Variants in ADAMDEC1 observed in about 807,000 individuals in gnomAD.
The protein encoded by ADAMDEC1 is ADAM DEC1.
Under a neutral mutation model 60.4 loss-of-function variants are expected in ADAMDEC1, and 62 were observed. That is an observed-to-expected ratio of 1.03 (90% CI 0.84 to 1.27). The LOEUF is 1.27. ADAMDEC1 is among the 50% of genes most tolerant of loss of function. The pLI, the probability that ADAMDEC1 is intolerant of heterozygous loss-of-function variation, is 0.00. For synonymous variants in ADAMDEC1, 210 were observed against 195.1 expected (o/e 1.08, Z -0.64); for missense variants, 595 against 565.0 (o/e 1.05, Z -0.54).
chr8:24,402,030 A>C lies in ADAMDEC1; in HGVS notation c.1258A>C (p.Thr420Pro). The change falls in exon 12 of 14, where the codon ACA becomes CCA. Residue 420 changes from threonine (T) to proline (P), a missense_variant. Transcript: ENST00000256412. ...QAPIPTNIMT[T>P]PVCGNHLLEV... ...ACCTATTCCTACAAATATAATGACA[A>C]CACCAGTGTGTGGGAACCACCTTCT... 6.2e-7 allele frequency: 1 copy of C among 1,613,258 alleles called. No individual in the cohort carries two copies. Among genetic ancestry groups the C allele is most frequent in the Non-Finnish European group, 8.5e-7 (1 of 1,179,408 alleles).
chr8:24,398,663 A>T (rs773348151), intron 8 of ADAMDEC1, 112 bp downstream of exon 8: 2 of 996,178 alleles, frequency 2.0e-6, no homozygotes. Context: ...TCTTAAGTTA[A>T]ATAGTTCAGG....
Position 24,406,004 on chromosome 8 carries a change from C to A in ADAMDEC1, c.*706C>A, listed in dbSNP as rs1817878176. On this transcript the variant is annotated 3_prime_UTR_variant, in exon 14 of 14. Coordinates refer to ENST00000256412, the MANE Select transcript of ADAMDEC1 (RefSeq NM_014479.3). ...AACCATAATGTCAATAAAAACACAA[C>A]TTTTGAGGCTTTTCTGTGTGGTCAT... The A allele has an allele frequency of 6.6e-6, 1 of 152,098 alleles. No individual in the cohort carries two copies. The highest frequency in any genetic ancestry group is 1.5e-5 in the Non-Finnish European group (1 of 68,014). 9.4% of individuals were successfully genotyped at this position (152,098 alleles called of 1,614,324 possible). A position where few individuals can be genotyped will look rare whatever the true frequency, so the allele number is the denominator to read the frequency against.
At chr8:24,396,083 A>G (rs1817602594) in intron 5 of ADAMDEC1, among the ~76,000 whole-genome samples, 1 of 152,198 alleles carries the variant, frequency 6.6e-6, no homozygotes, top group Non-Finnish European at 1.5e-5. Context: ...TGAAACAGTT[A>G]CTTCCTGTTT....
Position 24,384,369 on chromosome 8 carries a change from T to G in ADAMDEC1, c.-136T>G. 1 of 679,806 alleles carries G rather than the reference T, an allele frequency of 1.5e-6. No individual in the cohort carries two copies. The highest frequency in any genetic ancestry group is 2.4e-6 in the Non-Finnish European group (1 of 416,876). 42.1% of individuals were successfully genotyped at this position (679,806 alleles called of 1,614,324 possible). A position where few individuals can be genotyped will look rare whatever the true frequency, so the allele number is the denominator to read the frequency against. On this transcript the variant is annotated 5_prime_UTR_variant, in exon 1 of 14. Coordinates refer to ENST00000256412, the MANE Select transcript of ADAMDEC1 (RefSeq NM_014479.3). Reference sequence around the variant, plus strand: ...CATTCTCATGATGTTGACACTGCAATTTTTTGACAATTTCCCAACACTCTT... The same window carrying G: ...CATTCTCATGATGTTGACACTGCAAGTTTTTGACAATTTCCCAACACTCTT...
At chr8:24,390,048 A>G (rs1449738928) in intron 1 of ADAMDEC1, 2 of 408,534 alleles carry the variant, frequency 4.9e-6, no homozygotes, top group Non-Finnish European at 9.8e-6. Flanking sequence ...CATACATAAT[A>G]TAATATCATT....
At chr8:24,388,638 T>C (rs1236059584) in intron 1 of ADAMDEC1, among the ~76,000 whole-genome samples, 2 of 152,224 alleles carry the variant, frequency 1.3e-5, no homozygotes, top group African/African-American at 4.8e-5. Context: ...CTCTTTTCTT[T>C]TGTAGCAGCA....
Position 24,397,406 on chromosome 8 carries a change from G to C in ADAMDEC1, c.577G>C (p.Asp193His), listed in dbSNP as rs751428258. ...CCACACATGTGGTGTGAAGAGCACTGACGGGAAACAAGGCCCAATTCGAAT... is the reference window on the plus strand; with the variant it reads ...CCACACATGTGGTGTGAAGAGCACTCACGGGAAACAAGGCCCAATTCGAAT... ...ANHTCGVKST[D>H]GKQGPIRISR... The change falls in exon 6 of 14, where the codon GAC (aspartate) becomes CAC (histidine). Residue 193 changes from aspartate (D) to histidine (H), a missense_variant. Physicochemically the swap from Asp to His is moderately conservative, Grantham distance 81 (BLOSUM62 -1). Transcript: ENST00000256412. 6.2e-7 allele frequency: 1 copy of C among 1,614,032 alleles called. No individual in the cohort carries two copies. The highest frequency in any genetic ancestry group is 1.3e-5 in the African/African-American group (1 of 75,036).
rs775125260 is a variant in ADAMDEC1, at chr8:24,393,269, A to G, written c.215A>G (p.Tyr72Cys). 4 of 1,590,194 alleles carry G rather than the reference A, an allele frequency of 2.5e-6. No homozygotes were observed. Among genetic ancestry groups the G allele is most frequent in the South Asian group, 2.3e-5 (2 of 87,508 alleles). Residue 72 changes from tyrosine to cysteine, a missense_variant, in exon 3 of 14, where the codon TAT becomes TGT. Transcript: ENST00000256412. ...QTEKHGKEER[Y>C]EPEVQYQMIL... ...GTAATTAAATGTTTTCAGGAAAGGT[A>G]TGAACCTGAAGTTCAATATCAGATG...
chr8:24,395,615 T>C, intron 4 of ADAMDEC1, 105 bp from the exon 5 acceptor site: 1 of 750,026 alleles, frequency 1.3e-6, no homozygotes, highest in South Asian at 2.0e-5. Flanking sequence ...GTAGCTTTCC[T>C]CACAACTGTG....
chr8:24,384,605 A>T lies in ADAMDEC1; in HGVS notation c.88+13A>T. On this transcript the variant is annotated intron_variant, in intron 1 of 13. Coordinates refer to ENST00000256412, the MANE Select transcript of ADAMDEC1 (RefSeq NM_014479.3). ...GTTCAAACTCAAGGTACGTACCATC[A>T]CACCAGCATTTTACATAAAAGTCAA... 1.3e-6 allele frequency: 2 copies of T among 1,590,548 alleles called. No homozygotes were observed. The highest frequency in any genetic ancestry group is 1.7e-6 in the Non-Finnish European group (2 of 1,171,314).
chr8:24,399,570 G>T (rs1817709291), intron 10 of ADAMDEC1, 96 bp downstream of exon 10: 9 of 1,005,172 alleles, frequency 9.0e-6, no homozygotes, highest in Non-Finnish European at 1.4e-5. Flanking sequence ...AACATTTGCT[G>T]AATCAATGAA....
chr8:24,396,781 A>G (rs1817624749), intron 5 of ADAMDEC1, among the ~76,000 whole-genome samples: 1 of 152,176 alleles, frequency 6.6e-6, no homozygotes, highest in Non-Finnish European at 1.5e-5. Context: ...ATATGGATTC[A>G]CCTTCTATTT....
chr8:24,393,179 G>C, intron 2 of ADAMDEC1, 83 bp from the exon 3 acceptor site: 1 of 794,804 alleles, frequency 1.3e-6, no homozygotes, highest in Non-Finnish European at 1.9e-6. Flanking sequence ...ATTTGTAATT[G>C]TTCTTCTAAT....
intron 10 of ADAMDEC1, 34 bp from the exon 11 acceptor site, chr8:24,400,136 A>T (rs752770055): frequency 4.7e-6 from 7 of 1,474,046 alleles, no homozygotes; most frequent in Non-Finnish European, 6.3e-6. Flanking sequence ...AATTAAATAA[A>T]AAAAGAATAA....
chr8:24,400,105 A>C, intron 10 of ADAMDEC1, 65 bp from the exon 11 acceptor site: 1 of 1,316,448 alleles, frequency 7.6e-7, no homozygotes, highest in Non-Finnish European at 1.0e-6. Context: ...AGCCATTTTT[A>C]AAGTACTGCA....
At chr8:24,386,716 T>C (rs971015528) in intron 1 of ADAMDEC1, among the ~76,000 whole-genome samples, 21 of 152,194 alleles carry the variant, frequency 1.4e-4, no homozygotes, top group Non-Finnish European at 2.9e-4. Context: ...CCCATCAGCA[T>C]ATAAAAATTA....
chr8:24,404,930 C>A (rs552045540), intron 13 of ADAMDEC1, among the ~76,000 whole-genome samples: 2 of 152,014 alleles, frequency 1.3e-5, no homozygotes, highest in African/African-American at 4.8e-5. Context: ...GAAACTGTGC[C>A]CAGGCCAGAA....
chr8:24,384,405 C>T lies in ADAMDEC1; in HGVS notation c.-100C>T, dbSNP rs1399953710. On this transcript the variant is annotated 5_prime_UTR_variant, in exon 1 of 14. Coordinates refer to ENST00000256412, the MANE Select transcript of ADAMDEC1 (RefSeq NM_014479.3). ...TTTCCCAACACTCTTAAGAAACATT[C>T]CCCAATCTCACACGAAAAGTGGGGG... The T allele has an allele frequency of 2.1e-6, 2 of 941,204 alleles. No homozygotes were observed. Among genetic ancestry groups the T allele is most frequent in the Non-Finnish European group, 3.1e-6 (2 of 641,992 alleles). The allele number at this position is 941,204 out of a possible 1,614,324, so 58.3% of individuals were successfully genotyped here. A position where few individuals can be genotyped will look rare whatever the true frequency, so the allele number is the denominator to read the frequency against.
Position 24,405,257 on chromosome 8 carries a change from C to A in ADAMDEC1, c.1407-35C>A, listed in dbSNP as rs932722918. On this transcript the variant is annotated intron_variant, in intron 13 of 13. Coordinates refer to ENST00000256412, the MANE Select transcript of ADAMDEC1 (RefSeq NM_014479.3). ...CATAATATTTTGTAACTTGTAATAA[C>A]CCTGGCTTCCAAATTTTATTTTTCC... is the stretch of plus-strand genomic sequence containing the variant. 1.2e-5 allele frequency: 20 copies of A among 1,605,236 alleles called. No individual in the cohort carries two copies. In the African/African-American group the frequency reaches 2.4e-4, roughly 19 times the overall value.
Sources: allele counts gnomAD v4.1 joint callset (sites outside exome capture counted in the v4.1 genomes callset), GRCh38; gene constraint gnomAD v4.1.1; transcripts MANE v1.5; gene names NCBI Gene and HGNC (gene_info 2026-07-23, HGNC 2026-07-21).